Variants in TEAD2 observed in about 807,000 individuals in gnomAD.
The protein encoded by TEAD2 is TEA domain transcription factor 2.
Under a neutral mutation model 61.4 loss-of-function variants are expected in TEAD2, and 51 were observed. That is an observed-to-expected ratio of 0.83 (90% CI 0.66 to 1.05). TEAD2 has a LOEUF of 1.05. Among genes scored for constraint, TEAD2 ranks in the 50% least tolerant of loss-of-function variants. The pLI is 0.00. For missense variants in TEAD2, 509 were observed against 600.0 expected, an observed-to-expected ratio of 0.85 and a Z score of 1.58; for synonymous variants, 244 against 243.2, an observed-to-expected ratio of 1.00 and a Z score of -0.03.
At position 49,359,758 on chromosome 19, in the gene TEAD2, G is replaced by C. The variant is rs140245362; in HGVS notation, c.232+86C>G. On this transcript the variant is annotated intron_variant, in intron 2 of 12. Coordinates refer to ENST00000593945, the MANE Select transcript of TEAD2 (RefSeq NM_001256660.2). The surrounding 1 kb of genome is among the most constrained non-coding windows in gnomAD (Gnocchi z 4.1). ...CTCATCTGTGCAAATGGTGATGCTA[G>C]CTCCTACTTCAGAGTGCTCCATAAA... 9 of 1,365,840 alleles carry C rather than the reference G, an allele frequency of 6.6e-6. No individual in the cohort carries two copies. The East Asian group carries it at 1.6e-4, about 24-fold the overall frequency. 84.6% of individuals were successfully genotyped at this position (1,365,840 alleles called of 1,614,324 possible).
rs116097469 is a variant in TEAD2 at position 49,360,348 on chromosome 19, G to A, written c.-6-267C>T. Reference sequence around the variant, plus strand: ...GGAGGATCTGGGGCCTGGACTCCTGGGTCTGAGGGAGCGGGGGCTGGAGGC... The same window carrying A: ...GGAGGATCTGGGGCCTGGACTCCTGAGTCTGAGGGAGCGGGGGCTGGAGGC... On this transcript the variant is annotated intron_variant, in intron 1 of 12. Transcript: ENST00000593945. 3.9e-3 allele frequency: 1,885 copies of A among 487,978 alleles called. 29 individuals carry two copies. The highest frequency in any genetic ancestry group is 0.034 in the African/African-American group (1,749 of 51,516). The allele number at this position is 487,978 out of a possible 1,614,324, so 30.2% of individuals were successfully genotyped here.
At position 49,359,485 on chromosome 19, in the gene TEAD2, T is replaced by C; in HGVS notation, c.247A>G (p.Ile83Val). 6.2e-7 allele frequency: 1 copy of C among 1,614,060 alleles called. No homozygotes were observed. Among genetic ancestry groups the C allele is most frequent in the East Asian group, 2.2e-5 (1 of 44,866 alleles). ...EGKMYGRNEL[I>V]ARYIKLRTGK... ...GTTCTCAGCTTGATGTAGCGGGCGA[T>C]CAGTTCATTCCGACCTGAAGATTCA... Residue 83 changes from isoleucine (I) to valine (V), a missense_variant, in exon 3 of 13, where the codon ATC becomes GTC. Ile to Val is a conservative substitution (Grantham distance 29). Coordinates refer to ENST00000593945, the MANE Select transcript of TEAD2 (RefSeq NM_001256660.2). The surrounding 1 kb of genome is among the most constrained non-coding windows in gnomAD (Gnocchi z 4.1).
At position 49,344,594 on chromosome 19, in the gene TEAD2, T is replaced by C. The variant is rs142165575; in HGVS notation, c.922-1196A>G. Among the ~76,000 whole-genome samples the C allele has an allele frequency of 2.5e-3, 379 of 152,242 alleles. 1 individual carries two copies. Among genetic ancestry groups the C allele is most frequent in the African/African-American group, 8.6e-3 (358 of 41,548 alleles). On this transcript the variant is annotated intron_variant, in intron 10 of 12. Transcript: ENST00000593945. ...CTGTGTCCAGCCAATTCAACCTTTT[T>C]CCCTTGAAGCCCGCAACTCAAGAGT... is the stretch of plus-strand genomic sequence containing the variant.
At chr19:49,356,686 A>AGGGACAGGAGCAGAGGGAAGGGAGG (rs1461878634) in intron 4 of TEAD2, among the ~76,000 whole-genome samples, 2 of 152,056 alleles carry the variant, frequency 1.3e-5, no homozygotes, top group African/African-American at 4.8e-5. Flanking sequence ...GAGGGAAAGG[A>AGGGACAGGAGCAGAGGGAAGGGAGG]GGGACAGGAG....
rs747860823 is a variant in TEAD2, at chr19:49,361,163, G to A, written c.-6-1082C>T. 1.2e-4 allele frequency among the ~76,000 whole-genome samples: 13 copies of A among 111,858 alleles called. No homozygotes were observed. In the Middle Eastern group the frequency reaches 0.016, roughly 139 times the overall value. 73.4% of individuals were successfully genotyped at this position (111,858 alleles called of 152,430 possible). Reference sequence around the variant, plus strand: ...AAGAGGGGGACAGAGACCGGGGGGGGGGGACAGGGACCAGAGAGAGGGGTC... The same window carrying A: ...AAGAGGGGGACAGAGACCGGGGGGGAGGGACAGGGACCAGAGAGAGGGGTC... On this transcript the variant is annotated intron_variant, in intron 1 of 12. Coordinates refer to ENST00000593945, the MANE Select transcript of TEAD2 (RefSeq NM_001256660.2).
chr19:49,346,165 CA>C (rs10684078), intron 10 of TEAD2, among the ~76,000 whole-genome samples: 1,013 of 44,388 alleles, frequency 0.023, 5 homozygotes, highest in African/African-American at 0.053. Flanking sequence ...AATTCCATCT[CA>C]AAAAAAAAAA....
chr19:49,353,329 CCTCAAGTGAT>C (rs1227586211), intron 7 of TEAD2, among the ~76,000 whole-genome samples: 1 of 151,908 alleles, frequency 6.6e-6, no homozygotes, highest in Non-Finnish European at 1.5e-5. Flanking sequence ...GAACTCCTGA[CCTCAAGTGAT>C]CTGCCCTCCT....
At chr19:49,360,161 G>A in intron 1 of TEAD2, 80 bp from the exon 2 acceptor site, 3 of 1,167,200 alleles carry the variant, frequency 2.6e-6, no homozygotes, top group South Asian at 2.9e-5. Context: ...TGGGACTCTG[G>A]ACCACTGGGT....
At chr19:49,356,858 C>G (rs1972435780) in intron 4 of TEAD2, among the ~76,000 whole-genome samples, 1 of 152,084 alleles carries the variant, frequency 6.6e-6, no homozygotes, top group South Asian at 2.1e-4. Context: ...CCTTTGTGGG[C>G]CACTGACTCC....
rs1205878635 is a variant in TEAD2, at chr19:49,347,284, C to T, written c.827G>A (p.Arg276Gln). The T allele has an allele frequency of 9.3e-6, 15 of 1,613,954 alleles. No homozygotes were observed. The highest frequency in any genetic ancestry group is 4.4e-5 in the South Asian group (4 of 91,068). ...CTCAGGGAATTTGTCGTAGATCTGC[C>T]GGACGTCCACACTCTCGAGCGGCGG... ...GAPPLESVDV[R>Q]QIYDKFPEKK... Residue 276 changes from arginine to glutamine, a missense_variant, in exon 10 of 13, where the codon CGG becomes CAG. Arg to Gln is a conservative substitution (Grantham distance 43). Transcript: ENST00000593945.
chr19:49,346,608 G>C (rs956354782), intron 10 of TEAD2, among the ~76,000 whole-genome samples: 23 of 152,160 alleles, frequency 1.5e-4, no homozygotes, highest in Admixed American at 9.8e-4. Context: ...CGTGAGCCAA[G>C]ATACAGCCAC....
At chr19:49,355,450 G>A in intron 5 of TEAD2, 31 bp from the exon 6 acceptor site, 1 of 1,577,902 alleles carries the variant, frequency 6.3e-7, no homozygotes, top group South Asian at 1.1e-5. Flanking sequence ...TCATGTGAGA[G>A]GGGCATCTCA....
intron 10 of TEAD2, among the ~76,000 whole-genome samples, chr19:49,346,255 A>G (rs1309108065): frequency 1.3e-5 from 2 of 152,140 alleles, no homozygotes; most frequent in East Asian, 3.8e-4. Flanking sequence ...CACCAAACCA[A>G]GTAGCCCTAA....
rs1972712097 is a variant in TEAD2, at chr19:49,359,962, GC to G, written c.113del (p.Gly38AlafsTer31). The G allele has an allele frequency of 1.2e-6, 2 of 1,610,716 alleles. No homozygotes were observed. ...GGCTCCACACCCCCTCTGCATCCGG[GC>G]CCCCGTCACCCCCAGCCCCCTCACT... ...GGSEGAGGDG[G>X]PDAEGVWSPD... On this transcript the variant is annotated frameshift_variant, in exon 2 of 13. Coordinates refer to ENST00000593945, the MANE Select transcript of TEAD2 (RefSeq NM_001256660.2). LOFTEE classifies it high-confidence loss of function. The surrounding 1 kb of genome is among the most constrained non-coding windows in gnomAD (Gnocchi z 4.1).
Position 49,357,246 on chromosome 19 carries a change from C to A in TEAD2, c.360+6G>T. The A allele has an allele frequency of 6.6e-7, 1 of 1,525,722 alleles. No individual in the cohort carries two copies. Among genetic ancestry groups the A allele is most frequent in the Non-Finnish European group, 8.9e-7 (1 of 1,125,428 alleles). 94.5% of individuals were successfully genotyped at this position (1,525,722 alleles called of 1,614,324 possible). On this transcript the variant is annotated splice_donor_region_variant and intron_variant, in intron 4 of 12. Coordinates refer to ENST00000593945, the MANE Select transcript of TEAD2 (RefSeq NM_001256660.2). ...CCCCTCTCAGGATGTCTGCATTGGT[C>A]CCTACCTTCAACTTGGACTGGATTT...
chr19:49,357,751 G>A (rs1482819264), intron 3 of TEAD2: 1 of 215,156 alleles, frequency 4.6e-6, no homozygotes, highest in African/African-American at 2.2e-5. Flanking sequence ...CTCATGAATG[G>A]CTTTGCACCA....
intron 7 of TEAD2, among the ~76,000 whole-genome samples, chr19:49,351,967 G>A (rs1192241173): frequency 6.6e-6 from 1 of 151,370 alleles, no homozygotes; most frequent in Non-Finnish European, 1.5e-5. Flanking sequence ...GGGTGACAGA[G>A]CAAGACTCCA....
rs5828391 is a variant in TEAD2, at chr19:49,353,784, CT to C, written c.539+1363del. ...ATCCCACACAGCCTGTCACTGCACT[CT>C]TTTTTTTTTTTTTGAGCTGGAGTCT... On this transcript the variant is annotated intron_variant, in intron 7 of 12. Transcript: ENST00000593945. Among the ~76,000 whole-genome samples the C allele has an allele frequency of 5.7e-3, 804 of 142,048 alleles. 1 individual carries two copies. Among genetic ancestry groups the C allele is most frequent in the African/African-American group, 0.01 (400 of 39,002 alleles). The allele number at this position is 142,048 out of a possible 152,430, so 93.2% of individuals were successfully genotyped here.
chr19:49,351,276 G>C, intron 8 of TEAD2, 25 bp downstream of exon 8: 1 of 1,606,210 alleles, frequency 6.2e-7, no homozygotes, highest in Non-Finnish European at 8.5e-7. Context: ...GGGGAGACAA[G>C]GGAGGGTGGA....
Sources: allele counts gnomAD v4.1 joint callset (sites outside exome capture counted in the v4.1 genomes callset), GRCh38; gene constraint gnomAD v4.1.1; non-coding constraint Gnocchi (gnomAD v3.1); transcripts MANE v1.5; gene names NCBI Gene and HGNC (gene_info 2026-07-23, HGNC 2026-07-21).